OLFML2B: variants seen among roughly 807,000 people sequenced by gnomAD.
The protein encoded by OLFML2B is olfactomedin like 2B.
OLFML2B carries 57 observed loss-of-function variants against 74.9 expected under a neutral mutation model. The ratio of observed to expected loss-of-function variants is 0.76; its 90% CI spans 0.61 to 0.95. OLFML2B has a LOEUF of 0.95. Among genes scored for constraint, OLFML2B ranks in the 40% least tolerant of loss-of-function variants. OLFML2B has a pLI of 0.00. For missense variants in OLFML2B, 986 were observed against 970.6 expected (o/e 1.02, Z -0.21); for synonymous variants, 388 against 405.8 (o/e 0.96, Z 0.53).
At chr1:161,990,112 G>A (rs542882957) in intron 6 of OLFML2B, among the ~76,000 whole-genome samples, 1 of 152,314 alleles carries the variant, frequency 6.6e-6, no homozygotes, top group East Asian at 1.9e-4. Context: ...GGCAGGGAGT[G>A]TTGTTAAAAT....
intron 3 of OLFML2B, among the ~76,000 whole-genome samples, chr1:162,012,079 C>CCT (rs561362699): frequency 8.0e-4 from 121 of 152,170 alleles, no homozygotes; most frequent in Non-Finnish European, 1.6e-3. Context: ...TAACTTCGAC[C>CCT]CTCTGCCTTT....
At chr1:162,016,219 C>G (rs1051159520) in intron 3 of OLFML2B, among the ~76,000 whole-genome samples, 1 of 152,210 alleles carries the variant, frequency 6.6e-6, no homozygotes, top group Non-Finnish European at 1.5e-5. Context: ...CATTTCAAAG[C>G]ATTTTCATAC....
intron 3 of OLFML2B, among the ~76,000 whole-genome samples, chr1:162,010,406 G>C (rs1690346828): frequency 1.3e-5 from 2 of 152,232 alleles, no homozygotes; most frequent in Non-Finnish European, 2.9e-5. Context: ...CCAGAGGGAA[G>C]AGAACGTGCA....
chr1:161,988,709 T>C (rs1571283548), intron 6 of OLFML2B, among the ~76,000 whole-genome samples: 1 of 151,812 alleles, frequency 6.6e-6, no homozygotes, highest in African/African-American at 2.4e-5. Context: ...CCCTCTGGAG[T>C]TCCACCTTCA....
intron 3 of OLFML2B, among the ~76,000 whole-genome samples, chr1:162,010,041 G>C (rs1690333268): frequency 6.6e-6 from 1 of 152,258 alleles, no homozygotes; most frequent in Non-Finnish European, 1.5e-5. Context: ...TGGCGGCAGA[G>C]GTGGGAATCG....
intron 7 of OLFML2B, 42 bp downstream of exon 7, chr1:161,984,762 G>A: frequency 6.3e-7 from 1 of 1,590,382 alleles, no homozygotes; most frequent in Non-Finnish European, 8.6e-7. Flanking sequence ...AGAGGACGTG[G>A]GGAAGGGAAG....
At chr1:161,987,224 C>A (rs1197249479) in intron 6 of OLFML2B, among the ~76,000 whole-genome samples, 1 of 152,204 alleles carries the variant, frequency 6.6e-6, no homozygotes, top group East Asian at 1.9e-4. Flanking sequence ...CATGGAGAGT[C>A]CCCTCTGAAG....
rs559004450 is a variant in OLFML2B, at chr1:162,016,272, G to A, written c.546+1128C>T. 1.5e-3 allele frequency among the ~76,000 whole-genome samples: 226 copies of A among 152,282 alleles called. 1 individual carries two copies. The highest frequency in any genetic ancestry group is 2.2e-3 in the Non-Finnish European group (149 of 68,022). On this transcript the variant is annotated intron_variant, in intron 3 of 7. Coordinates refer to ENST00000294794, the MANE Select transcript of OLFML2B (RefSeq NM_015441.3). ...ATCCTCTCAGCAATCATATGGAGTA[G>A]GCAGGGTACTATTCTCACTGTCCAG...
Position 162,023,480 on chromosome 1 carries a change from G to C in OLFML2B, c.-50C>G. On this transcript the variant is annotated 5_prime_UTR_variant, in exon 1 of 8. Transcript: ENST00000294794. ...AGCCCCTTCAGAGAATGGCTGGGGC[G>C]GGGGGTCTCGGCAAGGACTTCTGCG... is the stretch of plus-strand genomic sequence containing the variant. 3 of 1,324,964 alleles carry C rather than the reference G, an allele frequency of 2.3e-6. No homozygotes were observed. The highest frequency in any genetic ancestry group is 3.0e-6 in the Non-Finnish European group (3 of 1,004,938). 82.1% of individuals were successfully genotyped at this position (1,324,964 alleles called of 1,614,324 possible).
rs574291829 is a variant in OLFML2B at position 162,003,493 on chromosome 1, G to A, written c.723+2804C>T. On this transcript the variant is annotated intron_variant, in intron 4 of 7. Transcript: ENST00000294794. ...GCAAGACCATGGACAGCCCTTGCCA[G>A]AGAACATATAATTTCCACGGATCCA... Among the ~76,000 whole-genome samples the A allele has an allele frequency of 8.5e-5, 13 of 152,342 alleles. No homozygotes were observed. In the East Asian group the frequency reaches 2.3e-3, roughly 27 times the overall value.
chr1:162,004,762 C>T (rs1330794128), intron 4 of OLFML2B, among the ~76,000 whole-genome samples: 1 of 152,204 alleles, frequency 6.6e-6, no homozygotes, highest in Non-Finnish European at 1.5e-5. Context: ...TTCTTCATGT[C>T]ACAGCATACA....
Position 161,984,085 on chromosome 1 carries a change from G to T in OLFML2B, c.1843C>A (p.Gln615Lys). ...GCAAAGTCCACGTCTGAGTGGCCCT[G>T]CCATCGCCAGGGGGTGGCCTCCTCG... ...AYEEATPWRW[Q>K]GHSDVDFAVD... Residue 615 changes from glutamine to lysine, a missense_variant, in exon 8 of 8, where the codon CAG (glutamine) becomes AAG (lysine). Gln to Lys is a moderately conservative substitution (Grantham distance 53, BLOSUM62 1). Coordinates refer to ENST00000294794, the MANE Select transcript of OLFML2B (RefSeq NM_015441.3). 1 of 1,612,928 alleles carries T rather than the reference G, an allele frequency of 6.2e-7. No homozygotes were observed. The highest frequency in any genetic ancestry group is 8.5e-7 in the Non-Finnish European group (1 of 1,179,116).
At chr1:162,017,291 T>C in intron 3 of OLFML2B, 109 bp downstream of exon 3, 1 of 744,782 alleles carries the variant, frequency 1.3e-6, no homozygotes, top group Middle Eastern at 2.3e-4. Flanking sequence ...TAGAATAGGA[T>C]GGGTTAAGTC....
At chr1:161,987,725 G>A (rs1404246893) in intron 6 of OLFML2B, among the ~76,000 whole-genome samples, 3 of 152,196 alleles carry the variant, frequency 2.0e-5, no homozygotes, top group Non-Finnish European at 4.4e-5. Context: ...GATACAGATG[G>A]AGTCAGCTTC....
At chr1:161,997,694 G>T in intron 6 of OLFML2B, 131 bp downstream of exon 6, 1 of 968,728 alleles carries the variant, frequency 1.0e-6, no homozygotes, top group Non-Finnish European at 1.5e-6. Flanking sequence ...TTGGTCAAAG[G>T]CTTAACTCCA....
At chr1:161,986,148 G>A (rs1312661959) in intron 6 of OLFML2B, among the ~76,000 whole-genome samples, 1 of 152,168 alleles carries the variant, frequency 6.6e-6, no homozygotes, top group Non-Finnish European at 1.5e-5. Flanking sequence ...CCTGCTGGCA[G>A]CTGGGGCCAG....
chr1:161,987,712 A>G (rs1689629014), intron 6 of OLFML2B, among the ~76,000 whole-genome samples: 1 of 152,220 alleles, frequency 6.6e-6, no homozygotes, highest in African/African-American at 2.4e-5. Flanking sequence ...GGCATAGGAA[A>G]TGGATACAGA....
chr1:162,020,138 C>T lies in OLFML2B; in HGVS notation c.219G>A (p.Ser73=), dbSNP rs761804582. Residue 73 remains serine, a synonymous_variant, in exon 2 of 8, where the codon TCG becomes TCA. Coordinates refer to ENST00000294794, the MANE Select transcript of OLFML2B (RefSeq NM_015441.3). ...YDKVKAMSEG[S]DCQCKCVVRP... ...TCACCACACACTTGCACTGACAGTC[C>T]GAGCCCTCAGACATAGCCTTGACCT... 3.3e-5 allele frequency: 53 copies of T among 1,614,080 alleles called. No individual in the cohort carries two copies. Among genetic ancestry groups the T allele is most frequent in the Non-Finnish European group, 3.5e-5 (41 of 1,180,042 alleles).
chr1:161,990,806 A>C (rs1005290706), intron 6 of OLFML2B, among the ~76,000 whole-genome samples: 1 of 152,254 alleles, frequency 6.6e-6, no homozygotes, highest in African/African-American at 2.4e-5. Context: ...TTCTTTCAAA[A>C]TTTGAGTCAA....
Sources: allele counts gnomAD v4.1 joint callset (sites outside exome capture counted in the v4.1 genomes callset), GRCh38; gene constraint gnomAD v4.1.1; transcripts MANE v1.5; gene names NCBI Gene and HGNC (gene_info 2026-07-23, HGNC 2026-07-21).